The following LRRIQ3 variants were observed in gnomAD, a reference collection of about 807,000 sequenced individuals.
LRRIQ3 encodes leucine-rich repeat and IQ domain-containing protein 3.
Under a neutral mutation model 59.3 loss-of-function variants are expected in LRRIQ3, and 75 were observed. That is an observed-to-expected ratio of 1.26 (90% CI 1.05 to 1.53). The LOEUF (loss-of-function observed/expected upper bound fraction) is 1.53, where lower values mean the gene tolerates loss of function less well. Among genes scored for constraint, LRRIQ3 ranks in the 40% most tolerant of loss-of-function variants. The probability of loss-of-function intolerance (pLI) is 0.00; values close to 1 mark genes in which losing one functional copy is unlikely to be tolerated. For synonymous variants in LRRIQ3, 250 were observed against 231.3 expected, an observed-to-expected ratio of 1.08 and a Z score of -0.73; for missense variants, 831 against 710.0, an observed-to-expected ratio of 1.17 and a Z score of -1.94.
chr1:74,100,830 T>C (rs1460371806), intron 5 of LRRIQ3, among the ~76,000 whole-genome samples: 2 of 152,104 alleles, frequency 1.3e-5, no homozygotes, highest in Non-Finnish European at 2.9e-5. Flanking sequence ...ATTTAATACA[T>C]GATGCTGGGA....
chr1:74,169,327 C>T (rs1159486504), intron 3 of LRRIQ3, among the ~76,000 whole-genome samples: 3 of 152,054 alleles, frequency 2.0e-5, no homozygotes, highest in Non-Finnish European at 4.4e-5. Context: ...TCTCCGTGAA[C>T]GTGCAGGCTG....
intron 4 of LRRIQ3, among the ~76,000 whole-genome samples, chr1:74,132,651 G>C (rs1304641450): frequency 6.6e-6 from 1 of 152,100 alleles, no homozygotes; most frequent in Non-Finnish European, 1.5e-5. Flanking sequence ...TGGGGAAACT[G>C]GCTAGCCATA....
intron 5 of LRRIQ3, among the ~76,000 whole-genome samples, chr1:74,075,724 C>G (rs1394526295): frequency 1.3e-5 from 2 of 152,108 alleles, no homozygotes; most frequent in East Asian, 3.9e-4. Flanking sequence ...ATCTGTTTTC[C>G]TCTTCACAGT....
chr1:74,136,241 A>G (rs1331645648), intron 4 of LRRIQ3, among the ~76,000 whole-genome samples: 1 of 152,012 alleles, frequency 6.6e-6, no homozygotes, highest in East Asian at 1.9e-4. Flanking sequence ...TCACAATTTA[A>G]AATGTTCCCA....
intron 3 of LRRIQ3, among the ~76,000 whole-genome samples, chr1:74,172,204 C>A (rs1254355683): frequency 6.6e-6 from 1 of 151,734 alleles, no homozygotes; most frequent in African/African-American, 2.4e-5. Flanking sequence ...ATCATTTTTT[C>A]TTTTTTAAAA....
chr1:74,169,541 T>C (rs1182382653), intron 3 of LRRIQ3, among the ~76,000 whole-genome samples: 2 of 151,992 alleles, frequency 1.3e-5, no homozygotes, highest in African/African-American at 4.8e-5. Context: ...TGTACAAAGG[T>C]TTCAATTTCT....
intron 4 of LRRIQ3, among the ~76,000 whole-genome samples, chr1:74,140,533 GGAATA>G (rs1353452464): frequency 4.6e-5 from 7 of 151,732 alleles, no homozygotes; most frequent in Admixed American, 2.6e-4. Flanking sequence ...AAATTAATAA[GGAATA>G]GAATAGTTGA....
At position 74,030,617 on chromosome 1, in the gene LRRIQ3, G is replaced by A. The variant is rs1653675533; in HGVS notation, c.1719-3648C>T. Among the ~76,000 whole-genome samples, 3 of 152,082 alleles carry A rather than the reference G, an allele frequency of 2.0e-5. No individual in the cohort carries two copies. In the South Asian group the frequency reaches 6.2e-4, roughly 32 times the overall value. On this transcript the variant is annotated intron_variant, in intron 7 of 7. Transcript: ENST00000354431. ...CCTTATACAAAAATTAATTCAAGAT[G>A]GATTAAAGACTTAAATGTTAGACCT...
chr1:74,043,099 A>C (rs574496818), intron 6 of LRRIQ3, among the ~76,000 whole-genome samples: 1 of 152,266 alleles, frequency 6.6e-6, no homozygotes, highest in East Asian at 1.9e-4. Context: ...TTAATACAAT[A>C]AATTGAATCA....
At chr1:74,082,000 T>C (rs546547628) in intron 5 of LRRIQ3, 1 of 151,660 alleles carries the variant, frequency 6.6e-6, no homozygotes, top group South Asian at 2.1e-4. Flanking sequence ...ATTGTATTCT[T>C]CAATCTGTTG....
At chr1:74,129,968 C>A (rs184665697) in intron 4 of LRRIQ3, among the ~76,000 whole-genome samples, 4 of 149,552 alleles carry the variant, frequency 2.7e-5, no homozygotes, top group East Asian at 3.9e-4. Flanking sequence ...GTTGCCCCCC[C>A]ACCAAAAAAA....
intron 1 of LRRIQ3, among the ~76,000 whole-genome samples, chr1:74,184,740 C>T (rs111611507): frequency 6.6e-5 from 10 of 152,156 alleles, no homozygotes; most frequent in African/African-American, 2.2e-4. Context: ...AACAGGTGAT[C>T]GACGAACACC....
intron 4 of LRRIQ3, among the ~76,000 whole-genome samples, chr1:74,127,348 T>C (rs1466995876): frequency 1.3e-5 from 2 of 151,972 alleles, no homozygotes; most frequent in African/African-American, 4.8e-5. Context: ...ACATTCAATG[T>C]TATTGTTGAT....
In LRRIQ3 at chr1:74,041,649, T is replaced by C. The variant is rs868326643; in HGVS notation, c.1282A>G (p.Thr428Ala). 6.2e-7 allele frequency: 1 copy of C among 1,613,826 alleles called. No individual in the cohort carries two copies. Among genetic ancestry groups the C allele is most frequent in the Middle Eastern group, 1.7e-4 (1 of 6,054 alleles). ...RTFSDIDKYY[T>A]EQKKQEYHKE... ...TGGTATTCCTGCTTCTTTTGTTCTGTGTAATATTTGTCAATATCACTAAAT... is the reference window on the plus strand; with the variant it reads ...TGGTATTCCTGCTTCTTTTGTTCTGCGTAATATTTGTCAATATCACTAAAT... The change falls in exon 7 of 8, where the codon ACA becomes GCA. Residue 428 changes from threonine (T) to alanine (A), a missense_variant. Physicochemically the swap from Thr to Ala is moderately conservative, Grantham distance 58. Coordinates refer to ENST00000354431, the MANE Select transcript of LRRIQ3 (RefSeq NM_001105659.2).
At chr1:74,100,039 G>T (rs1646507624) in intron 5 of LRRIQ3, among the ~76,000 whole-genome samples, 1 of 152,062 alleles carries the variant, frequency 6.6e-6, no homozygotes, top group Non-Finnish European at 1.5e-5. Flanking sequence ...TCAACATAGT[G>T]TTGGAAGTTC....
At chr1:74,060,420 A>C (rs755798814) in intron 6 of LRRIQ3, among the ~76,000 whole-genome samples, 1 of 148,720 alleles carries the variant, frequency 6.7e-6, no homozygotes, top group Non-Finnish European at 1.5e-5. Context: ...TTTTTTTCTT[A>C]AGGTGGAAAG....
intron 2 of LRRIQ3, 152 bp downstream of exon 2, chr1:74,183,284 C>T (rs1165689213): frequency 6.9e-6 from 4 of 578,034 alleles, no homozygotes; most frequent in Admixed American, 6.6e-5. Context: ...TATTTATATA[C>T]ATCTTACATG....
chr1:74,193,182 A>G (rs1650878523), intron 1 of LRRIQ3, among the ~76,000 whole-genome samples: 1 of 152,172 alleles, frequency 6.6e-6, no homozygotes, highest in Non-Finnish European at 1.5e-5. Context: ...TTTTATAACT[A>G]TTTTGTGAAA....
At chr1:74,097,180 G>A (rs1251114569) in intron 5 of LRRIQ3, among the ~76,000 whole-genome samples, 1 of 152,084 alleles carries the variant, frequency 6.6e-6, no homozygotes, top group African/African-American at 2.4e-5. Context: ...TTAGATGAAT[G>A]GCTTACTAGA....
Sources: gnomAD v4.1 joint callset for allele counts (sites outside exome capture counted in the v4.1 genomes callset) on GRCh38, gnomAD v4.1.1 for gene constraint, MANE v1.5 for transcripts, NCBI Gene and HGNC (gene_info 2026-07-23, HGNC 2026-07-21) for gene names.